Variants in AKR1D1 observed in about 807,000 individuals in gnomAD.
The protein encoded by AKR1D1 is delta(4)-3-ketosteroid 5-beta-reductase.
AKR1D1 carries 32 observed loss-of-function variants against 42.6 expected under a neutral mutation model. The observed-to-expected ratio is 0.75, with a 90% CI of 0.57 to 1.01. The LOEUF is 1.01. Ranked by LOEUF, AKR1D1 falls within the 50% of genes least tolerant of loss-of-function variation. The pLI, the probability that AKR1D1 is intolerant of heterozygous loss-of-function variation, is 0.00. For missense variants in AKR1D1, 364 were observed against 402.2 expected (o/e 0.91, Z 0.81); for synonymous variants, 123 against 135.5 (o/e 0.91, Z 0.64).
At chr7:138,088,455 A>T in intron 1 of AKR1D1, 146 bp from the exon 2 acceptor site, 1 of 986,308 alleles carries the variant, frequency 1.0e-6, no homozygotes, top group Non-Finnish European at 1.5e-6. Flanking sequence ...CTGCTGCTGA[A>T]CACCATCTTC....
At chr7:138,080,184 A>T (rs1355656773) in intron 1 of AKR1D1, among the ~76,000 whole-genome samples, 1 of 152,226 alleles carries the variant, frequency 6.6e-6, no homozygotes, top group African/African-American at 2.4e-5. Context: ...GTATACAGCC[A>T]TACCTATGAC....
In AKR1D1 at chr7:138,107,418, G is replaced by A. The variant is rs777224719; in HGVS notation, c.693G>A (p.Val231=). The A allele has an allele frequency of 1.2e-6, 2 of 1,613,956 alleles. No homozygotes were observed. Among genetic ancestry groups the A allele is most frequent in the East Asian group, 2.2e-5 (1 of 44,866 alleles). Residue 231 remains valine, a synonymous_variant, in exon 7 of 9, where the codon GTG becomes GTA. Coordinates refer to ENST00000242375, the MANE Select transcript of AKR1D1 (RefSeq NM_005989.4). ...PLGTSRNPIW[V]NVSSPPLLKD... is the part of the protein sequence containing the mutation. ...TGCATGTTTTGATATTTTTAAGGGT[G>A]AATGTTTCTTCTCCACCTTTGTTAA...
intron 8 of AKR1D1, 62 bp from the exon 9 acceptor site, chr7:138,116,558 T>A: frequency 1.3e-6 from 2 of 1,575,812 alleles, no homozygotes; most frequent in Non-Finnish European, 1.7e-6. Context: ...AGGATGCTAT[T>A]GAAACATACA....
At chr7:138,093,745 T>C (rs937614911) in intron 3 of AKR1D1, among the ~76,000 whole-genome samples, 1 of 152,330 alleles carries the variant, frequency 6.6e-6, no homozygotes, top group South Asian at 2.1e-4. Flanking sequence ...GTTGTATCCA[T>C]AGTAAAAACA....
In AKR1D1 at chr7:138,116,923, A is replaced by T. The variant is rs1206921932; in HGVS notation, c.*261A>T. The T allele has an allele frequency of 2.3e-6, 1 of 444,112 alleles. No homozygotes were observed. The highest frequency in any genetic ancestry group is 3.8e-5 in the Admixed American group (1 of 26,404). The allele number at this position is 444,112 out of a possible 1,614,324, so 27.5% of individuals were successfully genotyped here. On this transcript the variant is annotated 3_prime_UTR_variant, in exon 9 of 9. Transcript: ENST00000242375. The stretch of plus-strand genomic sequence containing the variant: ...TCAGTATCTTCTAGATTCCAGACAG[A>T]AAAAAATTACACTTCAGAAAAGACA...
Position 138,076,569 on chromosome 7 carries a change from C to T in AKR1D1, c.51C>T (p.Ser17=). The change falls in exon 1 of 9, where the codon AGC becomes AGT. Residue 17 remains serine, a synonymous_variant. Transcript: ENST00000242375. ...GCATACCTCTAAGTGATGGAAACAGCATTCCCATCATCGGACTTGGTACCT... is the reference window on the plus strand; with the variant it reads ...GCATACCTCTAAGTGATGGAAACAGTATTCCCATCATCGGACTTGGTACCT... ...SHRIPLSDGN[S]IPIIGLGTYS... is the part of the protein sequence containing the mutation. The T allele has an allele frequency of 1.9e-6, 3 of 1,613,626 alleles. No homozygotes were observed. The highest frequency in any genetic ancestry group is 2.5e-6 in the Non-Finnish European group (3 of 1,179,728).
intron 4 of AKR1D1, among the ~76,000 whole-genome samples, chr7:138,103,245 A>G (rs1170659881): frequency 6.6e-6 from 1 of 152,218 alleles, no homozygotes; most frequent in Non-Finnish European, 1.5e-5. Context: ...AAAAAAATGC[A>G]TAAAGCAAAA....
chr7:138,111,251 A>C (rs766843994), intron 7 of AKR1D1, among the ~76,000 whole-genome samples: 31 of 152,202 alleles, frequency 2.0e-4, no homozygotes, highest in Non-Finnish European at 4.4e-4. Context: ...TAAAAAATAA[A>C]ATCCAACCTA....
At chr7:138,109,963 T>C (rs558384850) in intron 7 of AKR1D1, among the ~76,000 whole-genome samples, 1 of 152,294 alleles carries the variant, frequency 6.6e-6, no homozygotes, top group South Asian at 2.1e-4. Context: ...ACTAATTATG[T>C]TATATTCCAT....
chr7:138,095,442 A>G (rs1342899335), intron 3 of AKR1D1, among the ~76,000 whole-genome samples: 1 of 152,216 alleles, frequency 6.6e-6, no homozygotes, highest in African/African-American at 2.4e-5. Context: ...AAAGCAGACA[A>G]TGGGGAAAAT....
chr7:138,084,767 C>T (rs1803133556), intron 1 of AKR1D1, among the ~76,000 whole-genome samples: 1 of 151,946 alleles, frequency 6.6e-6, no homozygotes, highest in East Asian at 1.9e-4. Context: ...TTAAGAATTA[C>T]AAAGTGTGGG....
intron 5 of AKR1D1, 101 bp downstream of exon 5, chr7:138,105,530 C>T: frequency 6.6e-7 from 1 of 1,512,276 alleles, no homozygotes; most frequent in Non-Finnish European, 9.1e-7. Context: ...ATGATTGCTC[C>T]ACCTAAATCT....
At chr7:138,081,107 A>T (rs1056353664) in intron 1 of AKR1D1, among the ~76,000 whole-genome samples, 3 of 152,192 alleles carry the variant, frequency 2.0e-5, no homozygotes, top group Non-Finnish European at 2.9e-5. Context: ...CCAGCCTTAC[A>T]TAGTATATCT....
intron 1 of AKR1D1, among the ~76,000 whole-genome samples, chr7:138,087,983 C>T (rs371936378): frequency 1.1e-4 from 16 of 151,840 alleles, no homozygotes; most frequent in African/African-American, 3.6e-4. Flanking sequence ...CTTCAACTCC[C>T]AGGCTCAAGC....
At chr7:138,083,780 G>C (rs1229843801) in intron 1 of AKR1D1, among the ~76,000 whole-genome samples, 1 of 152,078 alleles carries the variant, frequency 6.6e-6, no homozygotes, top group Non-Finnish European at 1.5e-5. Context: ...TAAGATACAG[G>C]TCCAATTTCA....
At chr7:138,088,837 C>A (rs1201024712) in intron 2 of AKR1D1, 69 bp downstream of exon 2, 2 of 1,450,672 alleles carry the variant, frequency 1.4e-6, no homozygotes, top group East Asian at 2.5e-5. Context: ...TATTATTCAT[C>A]TTCCGTGTGT....
At chr7:138,085,729 G>C (rs1803160994) in intron 1 of AKR1D1, among the ~76,000 whole-genome samples, 1 of 152,110 alleles carries the variant, frequency 6.6e-6, no homozygotes, top group Non-Finnish European at 1.5e-5. Flanking sequence ...TTACAGGTGT[G>C]AGCCACCATC....
rs570834939 is a variant in AKR1D1 at position 138,100,297 on chromosome 7, C to T, written c.456+2354C>T. On this transcript the variant is annotated intron_variant, in intron 4 of 8. Coordinates refer to ENST00000242375, the MANE Select transcript of AKR1D1 (RefSeq NM_005989.4). ...ATGGGAGATTTAAACTCACTAATAT[C>T]AATAATTGCAGTATATATAAATGGT... 5.3e-5 allele frequency among the ~76,000 whole-genome samples: 8 copies of T among 151,710 alleles called. 1 individual carries two copies. The South Asian group carries it at 1.7e-3, about 32-fold the overall frequency.
chr7:138,091,473 A>G (rs1304629873), intron 2 of AKR1D1, among the ~76,000 whole-genome samples: 1 of 152,194 alleles, frequency 6.6e-6, no homozygotes, highest in African/African-American at 2.4e-5. Flanking sequence ...TTATCAGCTC[A>G]TCCTATACTC....
Sources: gnomAD v4.1 joint callset for allele counts (sites outside exome capture counted in the v4.1 genomes callset) on GRCh38, gnomAD v4.1.1 for gene constraint, MANE v1.5 for transcripts, NCBI Gene and HGNC (gene_info 2026-07-23, HGNC 2026-07-21) for gene names.